Variants in DHX57 observed in about 807,000 individuals in gnomAD.
DHX57 encodes the protein DExH-box helicase 57.
In DHX57, 105 loss-of-function variants were observed where a neutral mutation model predicts 156.2. That is an observed-to-expected ratio of 0.67 (90% CI 0.57 to 0.79). The LOEUF (loss-of-function observed/expected upper bound fraction) is 0.79, where lower values mean the gene tolerates loss of function less well. Among genes scored for constraint, DHX57 ranks in the 30% least tolerant of loss-of-function variants. DHX57 has a pLI of 0.00. For synonymous variants in DHX57, 704 were observed against 595.6 expected, an observed-to-expected ratio of 1.18 and a Z score of -2.65; for missense variants, 1,847 against 1,661.9, an observed-to-expected ratio of 1.11 and a Z score of -1.94.
Position 38,855,157 on chromosome 2 carries a change from C to T in DHX57, c.1805G>A (p.Arg602Gln), listed in dbSNP as rs1274227841. 18 of 1,614,116 alleles carry T rather than the reference C, an allele frequency of 1.1e-5. No homozygotes were observed. The highest frequency in any genetic ancestry group is 4.5e-5 in the East Asian group (2 of 44,876). Residue 602 changes from arginine to glutamine, a missense_variant, in exon 8 of 24, where the codon CGA becomes CAA. Transcript: ENST00000457308. ...KVANIICTQPRRISAISVAER... is the reference protein window; with the variant it reads ...KVANIICTQPQRISAISVAER... ...AGCAACAGAGATTGCAGAGATTCGT[C>T]GGGGTTGGGTACAGATGATGTTGGC...
chr2:38,855,863 G>A (rs749710368), intron 7 of DHX57, among the ~76,000 whole-genome samples: 3 of 152,170 alleles, frequency 2.0e-5, no homozygotes, highest in Non-Finnish European at 2.9e-5. Flanking sequence ...TTGGGAGACC[G>A]AGGCAGGCGG....
At chr2:38,835,161 C>G (rs1457267062) in intron 13 of DHX57, among the ~76,000 whole-genome samples, 1 of 152,136 alleles carries the variant, frequency 6.6e-6, no homozygotes, top group Non-Finnish European at 1.5e-5. Flanking sequence ...AGAAATGTAT[C>G]TGCCTGAAAA....
rs1376234469 is a variant in DHX57, at chr2:38,861,650, C to A, written c.760G>T (p.Ala254Ser). ...CMEQRQEEAF[A>S]LKSICGEKFI... Reference sequence around the variant, plus strand: ...TTTTCTCCACAGATGGACTTGAGAGCAAATGCCTCTTCCTGTCGCTGTTCC... The same window carrying A: ...TTTTCTCCACAGATGGACTTGAGAGAAAATGCCTCTTCCTGTCGCTGTTCC... Residue 254 changes from alanine (A) to serine (S), a missense_variant, in exon 5 of 24, where the codon GCT (alanine) becomes TCT (serine). Transcript: ENST00000457308. 1 of 1,614,158 alleles carries A rather than the reference C, an allele frequency of 6.2e-7. No individual in the cohort carries two copies. The highest frequency in any genetic ancestry group is 8.5e-7 in the Non-Finnish European group (1 of 1,180,038).
In DHX57 at chr2:38,823,049, G is replaced by A. The variant is rs772949216; in HGVS notation, c.3235C>T (p.Arg1079Cys). The change falls in exon 17 of 24, where the codon CGC becomes TGC. Residue 1079 changes from arginine to cysteine, a missense_variant. Transcript: ENST00000457308. ...GKLMLFGSIF[R>C]CLDPALTIAA... The stretch of plus-strand genomic sequence containing the variant: ...ATGGTGAGAGCAGGATCCAAACAGC[G>A]GAAGATAGACCCAAACAACATTAGT... 1.1e-5 allele frequency: 17 copies of A among 1,613,984 alleles called. No homozygotes were observed. The highest frequency in any genetic ancestry group is 3.3e-5 in the Admixed American group (2 of 59,990).
intron 21 of DHX57, chr2:38,810,969 G>A: frequency 1.2e-6 from 1 of 827,008 alleles, no homozygotes; most frequent in Non-Finnish European, 2.0e-6. Flanking sequence ...CCTTGATGCT[G>A]GTCACCTTCA....
chr2:38,837,197 G>A (rs545248242), intron 13 of DHX57, among the ~76,000 whole-genome samples: 1 of 152,110 alleles, frequency 6.6e-6, no homozygotes, highest in African/African-American at 2.4e-5. Flanking sequence ...AGTATCTACT[G>A]AGCCTTAACT....
chr2:38,851,328 A>T (rs972678091), intron 9 of DHX57, among the ~76,000 whole-genome samples: 2 of 152,172 alleles, frequency 1.3e-5, no homozygotes, highest in Admixed American at 1.3e-4. Context: ...TGATCATGTC[A>T]TCTCTGTGAT....
Sources: allele counts gnomAD v4.1 joint callset (sites outside exome capture counted in the v4.1 genomes callset), GRCh38; gene constraint gnomAD v4.1.1; transcripts MANE v1.5; gene names NCBI Gene and HGNC (gene_info 2026-07-23, HGNC 2026-07-21).